Variants in PAM observed in about 807,000 individuals in gnomAD.
The protein encoded by PAM is peptidylglycine alpha-amidating monooxygenase, also known as peptidyl-glycine alpha-amidating monooxygenase.
PAM carries 72 observed loss-of-function variants against 122.1 expected under a neutral mutation model. The ratio of observed to expected loss-of-function variants is 0.59; its 90% CI spans 0.49 to 0.72. The LOEUF is 0.72. Among genes scored for constraint, PAM ranks in the 30% least tolerant of loss-of-function variants. The pLI is 0.00. For synonymous variants in PAM, 389 were observed against 404.4 expected, an observed-to-expected ratio of 0.96 and a Z score of 0.46; for missense variants, 1,106 against 1,183.7, an observed-to-expected ratio of 0.93 and a Z score of 0.96.
At chr5:102,879,071 G>T (rs1001670457) in intron 3 of PAM, among the ~76,000 whole-genome samples, 1 of 152,118 alleles carries the variant, frequency 6.6e-6, no homozygotes, top group Non-Finnish European at 1.5e-5. Context: ...TGGGACTACA[G>T]GCGCCTGCCA....
chr5:102,795,484 C>T (rs766285440), intron 1 of PAM, among the ~76,000 whole-genome samples: 4 of 152,248 alleles, frequency 2.6e-5, no homozygotes, highest in Middle Eastern at 3.4e-3. Flanking sequence ...CTTTAATTTG[C>T]GTGTACAGAT....
At chr5:102,890,070 G>C (rs73175416) in intron 3 of PAM, among the ~76,000 whole-genome samples, 6,480 of 151,798 alleles carry the variant, frequency 0.043, 288 homozygotes, top group East Asian at 0.18. Flanking sequence ...AAGAAATCAG[G>C]GTATTTATTC....
intron 7 of PAM, among the ~76,000 whole-genome samples, chr5:102,939,291 C>A (rs951131384): frequency 6.6e-6 from 1 of 151,994 alleles, no homozygotes; most frequent in African/African-American, 2.4e-5. Flanking sequence ...ATTAATTATT[C>A]TTTTTTCCAT....
intron 1 of PAM, among the ~76,000 whole-genome samples, chr5:102,794,440 A>AT (rs1039236932): frequency 1.3e-5 from 2 of 152,138 alleles, no homozygotes; most frequent in Non-Finnish European, 2.9e-5. Context: ...AGATGAGGAG[A>AT]TTTTTTTCAT....
intron 3 of PAM, among the ~76,000 whole-genome samples, chr5:102,867,992 A>T (rs1374833219): frequency 1.3e-5 from 2 of 151,600 alleles, no homozygotes; most frequent in Non-Finnish European, 2.9e-5. Flanking sequence ...TTTGTGTAGA[A>T]CTAGGTTGCT....
chr5:102,949,903 TA>T lies in PAM; in HGVS notation c.728del (p.Lys243ArgfsTer2). 1 of 1,516,412 alleles carries T rather than the reference TA, an allele frequency of 6.6e-7. No homozygotes were observed. The highest frequency in any genetic ancestry group is 9.1e-7 in the Non-Finnish European group (1 of 1,093,984). The allele number at this position is 1,516,412 out of a possible 1,614,324, so 93.9% of individuals were successfully genotyped here. A position where few individuals can be genotyped will look rare whatever the true frequency, so the allele number is the denominator to read the frequency against. ...GATTAAAATTTGTGTTTATTACAGG[TA>T]AGGTAGTAAGTGGATACAGAGTAAG... ...AYRVHTHHLGKVVSGYRVRNG... is the reference protein window; with the variant it reads ...AYRVHTHHLGXVVSGYRVRNG... On this transcript the variant is annotated frameshift_variant and splice_region_variant, in exon 11 of 26. Coordinates refer to ENST00000438793, the MANE Select transcript of PAM (RefSeq NM_001177306.2). LOFTEE classifies it high-confidence loss of function.
chr5:103,005,263 A>G, intron 18 of PAM, 37 bp downstream of exon 18: 1 of 963,306 alleles, frequency 1.0e-6, no homozygotes, highest in South Asian at 1.3e-5. Flanking sequence ...ATTAGAAGCT[A>G]ACAGAGTTAT....
intron 3 of PAM, among the ~76,000 whole-genome samples, chr5:102,900,018 T>C (rs1371852482): frequency 6.6e-6 from 1 of 151,506 alleles, no homozygotes; most frequent in Non-Finnish European, 1.5e-5. Context: ...AAGACATTTT[T>C]GGGTGGTAGA....
rs1177721764 is a variant in PAM, at chr5:102,865,924, C to G, written c.-272C>G. 2.7e-6 allele frequency: 1 copy of G among 376,414 alleles called. No individual in the cohort carries two copies. The highest frequency in any genetic ancestry group is 2.1e-5 in the African/African-American group (1 of 46,810). 23.3% of individuals were successfully genotyped at this position (376,414 alleles called of 1,614,324 possible). A position where few individuals can be genotyped will look rare whatever the true frequency, so the allele number is the denominator to read the frequency against. On this transcript the variant is annotated 5_prime_UTR_variant, in exon 2 of 26. Transcript: ENST00000438793. ...CGCGTCTAGCCCCAGCGCCAGGGCA[C>G]GCGAGCGGCGCTGGAGGGAGGAAAG...
intron 3 of PAM, among the ~76,000 whole-genome samples, chr5:102,881,133 C>CACACACACACACACACACAT (rs1790882028): frequency 3.3e-5 from 5 of 150,680 alleles, no homozygotes; most frequent in African/African-American, 7.4e-5. Context: ...TATACATACA[C>CACACACACACACACACACAT]ACACACACAC....
intron 16 of PAM, among the ~76,000 whole-genome samples, chr5:102,994,260 T>G (rs2150865517): frequency 6.6e-6 from 1 of 152,292 alleles, no homozygotes; most frequent in African/African-American, 2.4e-5. Flanking sequence ...CATCTAGATG[T>G]TATAAAGTTC....
chr5:102,819,170 C>G (rs1351198488), intron 1 of PAM, among the ~76,000 whole-genome samples: 3 of 152,138 alleles, frequency 2.0e-5, no homozygotes, highest in Admixed American at 6.5e-5. Context: ...AGTGGAAGTG[C>G]AAACCTTACA....
intron 3 of PAM, among the ~76,000 whole-genome samples, chr5:102,877,183 C>T (rs1789491545): frequency 6.6e-6 from 1 of 152,140 alleles, no homozygotes; most frequent in Non-Finnish European, 1.5e-5. Context: ...GATAGGATTG[C>T]AGTTAAGTAA....
intron 7 of PAM, among the ~76,000 whole-genome samples, chr5:102,930,117 A>G (rs1040123268): frequency 2.0e-5 from 3 of 152,212 alleles, no homozygotes; most frequent in Non-Finnish European, 4.4e-5. Context: ...GAAATTACAC[A>G]GAATGTGAAG....
At chr5:102,894,994 A>C (rs778666719) in intron 3 of PAM, among the ~76,000 whole-genome samples, 18 of 114,128 alleles carry the variant, frequency 1.6e-4, no homozygotes, top group Admixed American at 2.5e-4. Flanking sequence ...ATTTTCCTAC[A>C]AAAAAAAAAA....
chr5:102,763,365 T>C (rs963385323), intron 1 of PAM, among the ~76,000 whole-genome samples: 2 of 152,198 alleles, frequency 1.3e-5, no homozygotes, highest in Admixed American at 1.3e-4. Context: ...ATTCATTCAG[T>C]GTCAGCCATG....
At chr5:102,870,828 A>C (rs1387841780) in intron 3 of PAM, among the ~76,000 whole-genome samples, 1 of 152,114 alleles carries the variant, frequency 6.6e-6, no homozygotes, top group Non-Finnish European at 1.5e-5. Context: ...TGAAGTGGTG[A>C]TATCTTGAGA....
chr5:102,834,324 A>C (rs777099574), intron 1 of PAM, among the ~76,000 whole-genome samples: 20 of 152,196 alleles, frequency 1.3e-4, no homozygotes, highest in Non-Finnish European at 2.8e-4. Context: ...TGTCCATGTC[A>C]AAGTTGTATA....
chr5:102,834,768 G>A (rs915257523), intron 1 of PAM, among the ~76,000 whole-genome samples: 6 of 152,152 alleles, frequency 3.9e-5, no homozygotes, highest in Admixed American at 3.9e-4. Flanking sequence ...AGGAAGGGAA[G>A]GGTGGAGGGA....
Sources: gnomAD v4.1 joint callset for allele counts (sites outside exome capture counted in the v4.1 genomes callset) on GRCh38, gnomAD v4.1.1 for gene constraint, MANE v1.5 for transcripts, NCBI Gene and HGNC (gene_info 2026-07-23, HGNC 2026-07-21) for gene names.